The following URI1 variants were observed in gnomAD, a reference collection of about 807,000 sequenced individuals.
URI1 encodes unconventional prefoldin RPB5 interactor 1.
URI1 carries 39 observed loss-of-function variants against 60.2 expected under a neutral mutation model. The observed-to-expected ratio is 0.65, with a 90% CI of 0.50 to 0.85. URI1 has a LOEUF of 0.85. URI1 is among the 40% of genes least tolerant of loss of function. The probability of loss-of-function intolerance (pLI) is 0.00; values close to 1 mark genes in which losing one functional copy is unlikely to be tolerated. For synonymous variants in URI1, 251 were observed against 236.8 expected, an observed-to-expected ratio of 1.06 and a Z score of -0.55; for missense variants, 691 against 665.9, an observed-to-expected ratio of 1.04 and a Z score of -0.42.
chr19:30,012,494 A>G lies in URI1; in HGVS notation c.1388A>G (p.Asn463Ser). The G allele has an allele frequency of 6.2e-7, 1 of 1,614,218 alleles. No individual in the cohort carries two copies. The highest frequency in any genetic ancestry group is 8.5e-7 in the Non-Finnish European group (1 of 1,180,024). The stretch of plus-strand genomic sequence containing the variant: ...ATTTTGGAAGAGGAACCACAAGAAA[A>G]TCAAAAGAAACTTTTGCCCTTATCA... The part of the protein sequence containing the change: ...ESILEEEPQE[N>S]QKKLLPLSVT... Residue 463 changes from asparagine to serine, a missense_variant, in exon 10 of 11, where the codon AAT (asparagine) becomes AGT (serine). Coordinates refer to ENST00000392271, the MANE Select transcript of URI1 (RefSeq NM_003796.3).
chr19:29,985,565 T>TA (rs1016178734), intron 3 of URI1, among the ~76,000 whole-genome samples: 9 of 152,174 alleles, frequency 5.9e-5, no homozygotes, highest in Non-Finnish European at 1.2e-4. Context: ...ACTTACTATA[T>TA]AAAAAATGTA....
At chr19:29,987,822 T>C (rs976907232) in intron 4 of URI1, among the ~76,000 whole-genome samples, 30 of 152,148 alleles carry the variant, frequency 2.0e-4, no homozygotes, top group African/African-American at 6.5e-4. Context: ...ATAGATGACT[T>C]TTGGGATCAA....
chr19:29,929,033 A>G (rs1233430765), intron 1 of URI1, among the ~76,000 whole-genome samples: 3 of 152,212 alleles, frequency 2.0e-5, no homozygotes, highest in Non-Finnish European at 4.4e-5. Flanking sequence ...GCACATTATC[A>G]TGGTCACTAA....
intron 2 of URI1, chr19:29,983,274 T>G (rs1164364544): frequency 6.6e-6 from 1 of 152,202 alleles, no homozygotes; most frequent in Non-Finnish European, 1.5e-5. Context: ...AGATCTGGCT[T>G]CTTGCTATGT....
chr19:29,946,386 AT>A (rs2055103201), intron 1 of URI1, among the ~76,000 whole-genome samples: 1 of 152,146 alleles, frequency 6.6e-6, no homozygotes, highest in African/African-American at 2.4e-5. Context: ...AGATACCTGT[AT>A]TTTATCTCTA....
chr19:29,948,006 G>A (rs1369540535), intron 1 of URI1, among the ~76,000 whole-genome samples: 1 of 152,198 alleles, frequency 6.6e-6, no homozygotes, highest in Non-Finnish European at 1.5e-5. Flanking sequence ...TGGATACCTA[G>A]TTGTCCCATC....
chr19:29,942,252 C>G lies in URI1; in HGVS notation c.-296C>G, dbSNP rs1292936859. 1.0e-6 allele frequency: 1 copy of G among 984,526 alleles called. No homozygotes were observed. Among genetic ancestry groups the G allele is most frequent in the Non-Finnish European group, 1.2e-6 (1 of 829,628 alleles). The allele number at this position is 984,526 out of a possible 1,614,324, so 61.0% of individuals were successfully genotyped here. A position where few individuals can be genotyped will look rare whatever the true frequency, so the allele number is the denominator to read the frequency against. On this transcript the variant is annotated 5_prime_UTR_variant, in exon 1 of 11. Coordinates refer to ENST00000392271, the MANE Select transcript of URI1 (RefSeq NM_003796.3). ...GAGAGGCGGGGCGTGTGGGGAGGCG[C>G]GGCCGCCACGCGACGCCTGGCTGGG... is the stretch of plus-strand genomic sequence containing the variant.
chr19:29,981,547 A>G (rs1568428953), intron 2 of URI1, among the ~76,000 whole-genome samples: 1 of 152,148 alleles, frequency 6.6e-6, no homozygotes, highest in Admixed American at 6.5e-5. Context: ...ATGATTAGCA[A>G]GATTCAGAAG....
At chr19:29,975,943 C>T (rs953977546) in intron 2 of URI1, among the ~76,000 whole-genome samples, 3 of 152,048 alleles carry the variant, frequency 2.0e-5, no homozygotes, top group Non-Finnish European at 2.9e-5. Flanking sequence ...TGTTTATATA[C>T]GGCTCCCATC....
intron 1 of URI1, among the ~76,000 whole-genome samples, chr19:29,933,646 C>A (rs1007707407): frequency 1.1e-4 from 17 of 151,770 alleles, no homozygotes; most frequent in Admixed American, 1.3e-4. Flanking sequence ...CACGGTGAAA[C>A]CCTATCTCTA....
intron 1 of URI1, chr19:29,956,864 T>C (rs895549102): frequency 1.3e-6 from 2 of 1,515,284 alleles, no homozygotes; most frequent in African/African-American, 2.7e-5. Flanking sequence ...GAGTTCTACG[T>C]TGATGTGATT....
At chr19:29,974,040 T>A (rs2055491278) in intron 2 of URI1, among the ~76,000 whole-genome samples, 1 of 152,206 alleles carries the variant, frequency 6.6e-6, no homozygotes, top group African/African-American at 2.4e-5. Context: ...ATTTGTAATT[T>A]TCTTTTTAAT....
chr19:29,942,707 C>T (rs748654326), intron 1 of URI1, 43 bp downstream of exon 1: 9 of 1,352,054 alleles, frequency 6.7e-6, no homozygotes, highest in Non-Finnish European at 6.7e-6. Flanking sequence ...GCCCGCCGGG[C>T]TGCCCCTGCC....
intron 2 of URI1, among the ~76,000 whole-genome samples, chr19:29,980,705 A>G (rs1243673201): frequency 6.7e-6 from 1 of 149,908 alleles, no homozygotes; most frequent in Non-Finnish European, 1.5e-5. Flanking sequence ...CGGGTAGATC[A>G]CAAGGTCAGG....
chr19:30,003,744 G>C (rs1219169199), intron 4 of URI1, among the ~76,000 whole-genome samples: 1 of 151,928 alleles, frequency 6.6e-6, no homozygotes, highest in Non-Finnish European at 1.5e-5. Flanking sequence ...TAGCTTAGTT[G>C]CACAGTATTT....
chr19:29,924,406 C>A (rs1440196770), intron 1 of URI1, among the ~76,000 whole-genome samples: 1 of 152,266 alleles, frequency 6.6e-6, no homozygotes, highest in East Asian at 1.9e-4. Flanking sequence ...GGACAGGAGC[C>A]CCCCATTGTT....
intron 4 of URI1, among the ~76,000 whole-genome samples, chr19:29,999,240 T>C (rs1367414975): frequency 6.6e-6 from 1 of 152,128 alleles, no homozygotes; most frequent in Admixed American, 6.6e-5. Context: ...GTAATACTTA[T>C]TTTTGCCTAT....
intron 1 of URI1, chr19:29,956,823 G>A (rs2055254702): frequency 3.1e-6 from 5 of 1,590,588 alleles, no homozygotes; most frequent in African/African-American, 1.3e-5. Context: ...TTGTCAACCC[G>A]GAGCCTCTTT....
At chr19:29,923,684 C>CCA in exon 1 of URI1, 1 of 1,536,542 alleles carries the variant, frequency 6.5e-7, no homozygotes, top group South Asian at 1.2e-5. Flanking sequence ...TTGGAGGTCA[C>CCA]TGCCCTGATG....
Sources: gnomAD v4.1 joint callset for allele counts (sites outside exome capture counted in the v4.1 genomes callset) on GRCh38, gnomAD v4.1.1 for gene constraint, MANE v1.5 for transcripts, NCBI Gene and HGNC (gene_info 2026-07-23, HGNC 2026-07-21) for gene names.